MYRFL: variants seen among roughly 807,000 people sequenced by gnomAD.
The protein encoded by MYRFL is myelin regulatory factor like.
A neutral mutation model predicts 109.4 loss-of-function variants in MYRFL; 88 were observed. The observed-to-expected ratio is 0.80, with a 90% CI of 0.68 to 0.96. The LOEUF (loss-of-function observed/expected upper bound fraction) is 0.96. Among genes scored for constraint, MYRFL ranks in the 40% least tolerant of loss-of-function variants. The pLI, the probability that MYRFL is intolerant of heterozygous loss-of-function variation, is 0.00. For synonymous variants in MYRFL, 324 were observed against 320.9 expected, an observed-to-expected ratio of 1.01 and a Z score of -0.10; for missense variants, 957 against 954.9, an observed-to-expected ratio of 1.00 and a Z score of -0.03.
chr12:69,939,669 A>C (rs560463515), intron 19 of MYRFL, among the ~76,000 whole-genome samples: 2 of 152,224 alleles, frequency 1.3e-5, no homozygotes, highest in East Asian at 3.9e-4. Context: ...GTTCCTCACC[A>C]GCAACGGAAC....
At chr12:69,877,064 G>C (rs1164137521) in intron 2 of MYRFL, among the ~76,000 whole-genome samples, 5 of 90,878 alleles carry the variant, frequency 5.5e-5, no homozygotes, top group Admixed American at 1.1e-4. Context: ...CGCTCGGTCA[G>C]CTAGGCTGGA....
intron 15 of MYRFL, among the ~76,000 whole-genome samples, chr12:69,929,253 C>T (rs557867343): frequency 4.7e-4 from 72 of 152,204 alleles, no homozygotes; most frequent in Admixed American, 2.9e-3. Flanking sequence ...AAAGAGCACC[C>T]GTTCAACTCA....
intron 1 of MYRFL, among the ~76,000 whole-genome samples, chr12:69,830,117 A>G (rs989759615): frequency 3.3e-5 from 5 of 152,092 alleles, no homozygotes; most frequent in Non-Finnish European, 7.4e-5. Context: ...TCTTGTATTC[A>G]AAGTGCTTTC....
At chr12:69,944,483 A>G (rs541727377) in intron 19 of MYRFL, among the ~76,000 whole-genome samples, 2,483 of 145,006 alleles carry the variant, frequency 0.017, 67 homozygotes, top group African/African-American at 0.061. Flanking sequence ...GAATTGAACA[A>G]TGAGAACACA....
chr12:69,902,044 C>T (rs59860037), intron 10 of MYRFL, among the ~76,000 whole-genome samples: 6,802 of 152,106 alleles, frequency 0.045, 571 homozygotes, highest in African/African-American at 0.16. Flanking sequence ...TAGGAACATG[C>T]CACCACACAT....
intron 2 of MYRFL, among the ~76,000 whole-genome samples, chr12:69,870,392 G>C (rs561193228): frequency 1.3e-5 from 2 of 152,104 alleles, no homozygotes; most frequent in Admixed American, 6.5e-5. Context: ...AGGGTTGGCC[G>C]CTCAGGGTAT....
chr12:69,871,978 G>A (rs1026909334), intron 2 of MYRFL, among the ~76,000 whole-genome samples: 1 of 151,884 alleles, frequency 6.6e-6, no homozygotes, highest in Non-Finnish European at 1.5e-5. Flanking sequence ...ATCGATGAAA[G>A]AGGAATGTTA....
intron 2 of MYRFL, among the ~76,000 whole-genome samples, chr12:69,870,719 G>A (rs150896178): frequency 1.3e-5 from 2 of 152,268 alleles, no homozygotes; most frequent in Non-Finnish European, 2.9e-5. Flanking sequence ...GAGCATGGAA[G>A]CATATAAAAT....
At chr12:69,920,046 C>A (rs887963089) in intron 13 of MYRFL, among the ~76,000 whole-genome samples, 11 of 152,120 alleles carry the variant, frequency 7.2e-5, no homozygotes, top group African/African-American at 1.2e-4. Context: ...TATCTTTAGA[C>A]CTGCAATGGA....
chr12:69,873,721 A>G (rs978017850), intron 2 of MYRFL, among the ~76,000 whole-genome samples: 1 of 152,162 alleles, frequency 6.6e-6, no homozygotes, highest in African/African-American at 2.4e-5. Context: ...TATTTCTGGA[A>G]TTTTCCATTT....
intron 21 of MYRFL, 93 bp from the exon 22 acceptor site, chr12:69,955,268 TCA>T (rs1592905459): frequency 8.9e-6 from 4 of 450,642 alleles, no homozygotes; most frequent in Non-Finnish European, 1.6e-5. Context: ...ATATAATATT[TCA>T]CAGTTTTTAT....
intron 19 of MYRFL, among the ~76,000 whole-genome samples, chr12:69,950,812 C>A (rs145952875): frequency 1.3e-5 from 2 of 151,944 alleles, no homozygotes; most frequent in Non-Finnish European, 1.5e-5. Flanking sequence ...GATAGCAATA[C>A]TAAGATGGAT....
chr12:69,843,436 A>G (rs971208959), intron 1 of MYRFL, among the ~76,000 whole-genome samples: 5 of 152,258 alleles, frequency 3.3e-5, no homozygotes, highest in Non-Finnish European at 7.3e-5. Flanking sequence ...GAATAAATCA[A>G]GAAGAGGGCC....
intron 4 of MYRFL, among the ~76,000 whole-genome samples, 193 bp downstream of exon 4, chr12:69,879,646 C>G (rs1242799827): frequency 6.6e-6 from 1 of 152,132 alleles, no homozygotes; most frequent in Non-Finnish European, 1.5e-5. Flanking sequence ...CCCTCCAAAT[C>G]CAAGGTCCTC....
rs1010757647 is a variant in MYRFL, at chr12:69,893,824, A to T, written c.964A>T (p.Ile322Phe). 2.3e-5 allele frequency: 32 copies of T among 1,381,798 alleles called. No homozygotes were observed. In the East Asian group the frequency reaches 8.8e-4, roughly 38 times the overall value. 85.6% of individuals were successfully genotyped at this position (1,381,798 alleles called of 1,614,324 possible). A position where few individuals can be genotyped will look rare whatever the true frequency, so the allele number is the denominator to read the frequency against. Residue 322 changes from isoleucine (I) to phenylalanine (F), a missense_variant, in exon 8 of 25, where the codon ATT (isoleucine) becomes TTT (phenylalanine). By Grantham distance (21) the Ile-to-Phe change is conservative. Transcript: ENST00000552032. ...EQSQADRSKK[I>F]FNPVKIDLLA... ...GTCCCAAGCAGATAGGAGCAAAAAG[A>T]TTTTCAATCCTGTTAAGTAAGAATT...
chr12:69,928,371 G>T (rs1213692321), intron 15 of MYRFL, among the ~76,000 whole-genome samples: 1 of 152,214 alleles, frequency 6.6e-6, no homozygotes, highest in Non-Finnish European at 1.5e-5. Flanking sequence ...GCAGCACTTT[G>T]TAAGTAGCTA....
Position 69,832,900 on chromosome 12 carries a change from A to G in MYRFL, c.46+7337A>G, listed in dbSNP as rs150046887. ...AGGTGTTGGTGTCAACAATTCATGG[A>G]TGGTAGTACAATGTACTTAGATGTC... is the stretch of plus-strand genomic sequence containing the variant. On this transcript the variant is annotated intron_variant, in intron 1 of 24. Coordinates refer to ENST00000552032, the MANE Select transcript of MYRFL (RefSeq NM_182530.3). Among the ~76,000 whole-genome samples the G allele has an allele frequency of 7.4e-3, 1,127 of 151,768 alleles. 17 individuals are homozygous for G. Among genetic ancestry groups the G allele is most frequent in the African/African-American group, 0.025 (1,033 of 41,334 alleles).
chr12:69,945,289 A>T (rs1438885918), intron 19 of MYRFL, among the ~76,000 whole-genome samples: 1 of 150,126 alleles, frequency 6.7e-6, no homozygotes, highest in Admixed American at 6.6e-5. Context: ...TCACTGATTG[A>T]CTCAGAGCAA....
intron 1 of MYRFL, among the ~76,000 whole-genome samples, chr12:69,833,115 T>C (rs1034749222): frequency 2.6e-5 from 4 of 152,030 alleles, no homozygotes; most frequent in African/African-American, 9.7e-5. Flanking sequence ...TGTTGTCAAT[T>C]TGGGAATCAT....
Sources: allele counts gnomAD v4.1 joint callset (sites outside exome capture counted in the v4.1 genomes callset), GRCh38; gene constraint gnomAD v4.1.1; transcripts MANE v1.5; gene names NCBI Gene and HGNC (gene_info 2026-07-23, HGNC 2026-07-21).